The following ZNF831 variants were observed in gnomAD, a reference collection of about 807,000 sequenced individuals.
The protein encoded by ZNF831 is chromosome 20 open reading frame 174.
Under a neutral mutation model 95.8 loss-of-function variants are expected in ZNF831, and 59 were observed. That is an observed-to-expected ratio of 0.62 (90% CI 0.50 to 0.77). The LOEUF is 0.77. Among genes scored for constraint, ZNF831 ranks in the 30% least tolerant of loss-of-function variants. The probability of loss-of-function intolerance (pLI) is 0.00; values close to 1 mark genes in which losing one functional copy is unlikely to be tolerated. For missense variants in ZNF831, 2,205 were observed against 2,164.0 expected, an observed-to-expected ratio of 1.02 and a Z score of -0.38; for synonymous variants, 961 against 925.5, an observed-to-expected ratio of 1.04 and a Z score of -0.70.
chr20:59,232,164 C>T (rs1366934460), intron 4 of ZNF831, among the ~76,000 whole-genome samples: 5 of 152,094 alleles, frequency 3.3e-5, no homozygotes, highest in Admixed American at 3.3e-4. Context: ...AGCAACACTC[C>T]CTGCTGAAAC....
chr20:59,202,002 G>T (rs188130728), intron 3 of ZNF831, among the ~76,000 whole-genome samples: 68 of 152,278 alleles, frequency 4.5e-4, no homozygotes, highest in Middle Eastern at 3.4e-3. Flanking sequence ...GTGTCATCAG[G>T]CTTACCTCAT....
At chr20:59,225,376 C>A (rs140727782) in intron 4 of ZNF831, among the ~76,000 whole-genome samples, 1 of 152,122 alleles carries the variant, frequency 6.6e-6, no homozygotes, top group African/African-American at 2.4e-5. Context: ...CTTCTGAGGA[C>A]GCAGGGCATA....
chr20:59,185,351 A>G (rs759424380), intron 1 of ZNF831, among the ~76,000 whole-genome samples: 2 of 152,200 alleles, frequency 1.3e-5, no homozygotes, highest in Non-Finnish European at 2.9e-5. Context: ...CAAAATGATC[A>G]TCGTGGCAGG....
At chr20:59,167,667 T>C (rs1204445240) in intron 1 of ZNF831, among the ~76,000 whole-genome samples, 1 of 152,122 alleles carries the variant, frequency 6.6e-6, no homozygotes, top group Non-Finnish European at 1.5e-5. Flanking sequence ...GTTTTTTTTT[T>C]CTTTTTTCTT....
intron 2 of ZNF831, 41 bp from the exon 3 acceptor site, chr20:59,195,828 G>A: frequency 2.5e-6 from 4 of 1,590,934 alleles, no homozygotes; most frequent in Non-Finnish European, 3.4e-6. Context: ...TCATCATGAG[G>A]ACTTTGAGTA....
chr20:59,240,715 T>C (rs1036316777), intron 4 of ZNF831, among the ~76,000 whole-genome samples: 13 of 152,120 alleles, frequency 8.5e-5, no homozygotes, highest in African/African-American at 2.9e-4. Context: ...GGCAGGAGAA[T>C]GGCGTGAACC....
At chr20:59,146,047 G>C (rs1979843118) in intron 1 of ZNF831, among the ~76,000 whole-genome samples, 2 of 152,054 alleles carry the variant, frequency 1.3e-5, no homozygotes, top group African/African-American at 2.4e-5. Context: ...CCCACACACA[G>C]AGCTGCCGTG....
intron 3 of ZNF831, among the ~76,000 whole-genome samples, chr20:59,197,206 G>T (rs1568762557): frequency 1.3e-5 from 2 of 152,114 alleles, no homozygotes; most frequent in African/African-American, 4.8e-5. Flanking sequence ...TCCCCCTCCT[G>T]CCCTGCCTCT....
intron 1 of ZNF831, among the ~76,000 whole-genome samples, chr20:59,180,945 G>GCCACA (rs1204829085): frequency 1.3e-5 from 2 of 152,132 alleles, no homozygotes; most frequent in East Asian, 3.9e-4. Flanking sequence ...TTGAGGAATC[G>GCCACA]CCACATTGTC....
chr20:59,177,158 G>A (rs970103745), intron 1 of ZNF831, among the ~76,000 whole-genome samples: 6 of 152,190 alleles, frequency 3.9e-5, no homozygotes, highest in African/African-American at 9.7e-5. Context: ...TCCATTTGCC[G>A]TGGAGGAGAG....
intron 1 of ZNF831, among the ~76,000 whole-genome samples, chr20:59,135,825 A>T (rs187667038): frequency 6.6e-6 from 1 of 152,106 alleles, no homozygotes; most frequent in Non-Finnish European, 1.5e-5. Context: ...TTTTGCCATG[A>T]CTTTCAGTGG....
At chr20:59,146,410 G>A (rs1410014072) in intron 2 of ZNF831, 1 of 152,286 alleles carries the variant, frequency 6.6e-6, no homozygotes, top group Non-Finnish European at 1.5e-5. Flanking sequence ...TGTGCACCTG[G>A]AGTTCTGGGA....
intron 2 of ZNF831, among the ~76,000 whole-genome samples, chr20:59,152,820 C>A (rs1479573875): frequency 6.6e-6 from 1 of 152,084 alleles, no homozygotes. Context: ...TGCAGGCAAC[C>A]AGAAGTGGGG....
At chr20:59,243,039 A>C (rs145500924) in intron 4 of ZNF831, among the ~76,000 whole-genome samples, 34 of 152,358 alleles carry the variant, frequency 2.2e-4, no homozygotes, top group Admixed American at 2.0e-3. Context: ...AGTACATAGA[A>C]TAGAGCTTCT....
At chr20:59,165,229 C>G (rs760721260) in intron 1 of ZNF831, among the ~76,000 whole-genome samples, 3 of 152,106 alleles carry the variant, frequency 2.0e-5, no homozygotes, top group Non-Finnish European at 4.4e-5. Context: ...GGCTCACTAT[C>G]AGGCGCCGTG....
At chr20:59,158,868 G>A (rs138382738), upstream of ZNF831, among the ~76,000 whole-genome samples, 15 of 152,056 alleles carry the variant, frequency 9.9e-5, no homozygotes, top group African/African-American at 1.4e-4. Context: ...TCTTACATGC[G>A]CACGGGGCAT....
intron 1 of ZNF831, among the ~76,000 whole-genome samples, chr20:59,145,374 G>C (rs1979813054): frequency 6.6e-6 from 1 of 152,042 alleles, no homozygotes; most frequent in East Asian, 1.9e-4. Context: ...TGAAAATGTT[G>C]GATTAAACAA....
At chr20:59,233,479 G>C (rs990883226) in intron 4 of ZNF831, among the ~76,000 whole-genome samples, 1 of 152,110 alleles carries the variant, frequency 6.6e-6, no homozygotes, top group African/African-American at 2.4e-5. Context: ...AAGCCAAAAC[G>C]CAAAGCAAAT....
intron 4 of ZNF831, among the ~76,000 whole-genome samples, chr20:59,211,710 G>A (rs1459114340): frequency 1.3e-5 from 2 of 152,062 alleles, no homozygotes; most frequent in Non-Finnish European, 2.9e-5. Flanking sequence ...CAACTTTCTC[G>A]GGTCTCCTTT....
Sources: allele counts gnomAD v4.1 joint callset (sites outside exome capture counted in the v4.1 genomes callset), GRCh38; gene constraint gnomAD v4.1.1; transcripts MANE v1.5; gene names NCBI Gene and HGNC (gene_info 2026-07-23, HGNC 2026-07-21).